UGT2A1: variants seen among roughly 807,000 people sequenced by gnomAD.
UGT2A1 encodes the protein UDP glucuronosyltransferase family 2 member A1 complex locus, also known as UDP-glucuronosyltransferase 2A1.
UGT2A1 carries 61 observed loss-of-function variants against 45.4 expected under a neutral mutation model. The ratio of observed to expected loss-of-function variants is 1.34; its 90% CI spans 1.09 to 1.66. The LOEUF (loss-of-function observed/expected upper bound fraction) is 1.66. Ranked by LOEUF, UGT2A1 falls within the 40% of genes most tolerant of loss-of-function variation. UGT2A1 has a pLI of 0.00. For missense variants in UGT2A1, 649 were observed against 574.3 expected (o/e 1.13, Z -1.33); for synonymous variants, 229 against 196.2 (o/e 1.17, Z -1.40).
rs537515968 is a variant in UGT2A1 at position 69,599,028 on chromosome 4, AC to A, written c.996+217del. ...GTAGACACACTGATATTTGTAACAC[AC>A]AGCTTTAATCATTTTATTCTTCAGT... is the stretch of plus-strand genomic sequence containing the variant. On this transcript the variant is annotated intron_variant, in intron 4 of 6. Transcript: ENST00000286604. 2.6e-5 allele frequency among the ~76,000 whole-genome samples: 4 copies of A among 152,112 alleles called. No individual in the cohort carries two copies. The South Asian group carries it at 6.2e-4, about 24-fold the overall frequency.
At chr4:69,648,666 G>A (rs1423228377) in intron 1 of UGT2A1, among the ~76,000 whole-genome samples, 1 of 151,956 alleles carries the variant, frequency 6.6e-6, no homozygotes, top group Admixed American at 6.6e-5. Flanking sequence ...AATTTGCCAT[G>A]TTCCTACAGC....
chr4:69,649,439 A>C, intron 1 of UGT2A1, among the ~76,000 whole-genome samples: 1 of 151,984 alleles, frequency 6.6e-6, no homozygotes, highest in Non-Finnish European at 1.5e-5. Context: ...CACTGATGTT[A>C]TTTTCTTCTA....
chr4:69,632,612 A>G (rs1433594205), intron 3 of UGT2A1, among the ~76,000 whole-genome samples: 6 of 152,284 alleles, frequency 3.9e-5, no homozygotes, highest in African/African-American at 1.2e-4. Context: ...GTAACTGGCC[A>G]GGCACAATGA....
chr4:69,631,378 A>G (rs1721377656), intron 3 of UGT2A1, among the ~76,000 whole-genome samples: 1 of 152,158 alleles, frequency 6.6e-6, no homozygotes. Flanking sequence ...TGTGAAAATT[A>G]GTAATAATAA....
chr4:69,595,108 TACTTA>T lies in UGT2A1; in HGVS notation c.1084+49_1084+53del, dbSNP rs981908332. 2.5e-6 allele frequency: 4 copies of T among 1,594,812 alleles called. No homozygotes were observed. In the African/African-American group the frequency reaches 4.0e-5, roughly 16 times the overall value. On this transcript the variant is annotated intron_variant, in intron 5 of 6. Coordinates refer to ENST00000286604, the MANE Select transcript of UGT2A1 (RefSeq NM_001252275.3). ...TTGAATTTATTTGCTATTAAACAGT[TACTTA>T]ACTTGTCTATTGTCCCACTGTACAG...
At chr4:69,643,276 G>A (rs1002583684) in intron 2 of UGT2A1, among the ~76,000 whole-genome samples, 6 of 151,592 alleles carry the variant, frequency 4.0e-5, no homozygotes, top group Admixed American at 3.3e-4. Flanking sequence ...GAAGAAAAGC[G>A]TTCAAGAAAA....
intron 4 of UGT2A1, chr4:69,596,183 C>A: frequency 7.2e-7 from 1 of 1,394,682 alleles, no homozygotes; most frequent in Non-Finnish European, 9.4e-7. Flanking sequence ...ATGGAAAGAA[C>A]ATTACTAGCT....
intron 2 of UGT2A1, among the ~76,000 whole-genome samples, chr4:69,643,497 A>T (rs1239285372): frequency 2.0e-5 from 3 of 151,594 alleles, no homozygotes; most frequent in Non-Finnish European, 4.4e-5. Context: ...CTTGCAATGA[A>T]CTGCAACAGT....
At position 69,606,507 on chromosome 4, in the gene UGT2A1, T is replaced by C. The variant is rs1269844122; in HGVS notation, c.848-7113A>G. ...AACTGGAAGTATTCCCTTTGAAAAC[T>C]GGCACAAGACAGGGATGCCCTCTCT... On this transcript the variant is annotated intron_variant, in intron 3 of 6. Coordinates refer to ENST00000286604, the MANE Select transcript of UGT2A1 (RefSeq NM_001252275.3). Among the ~76,000 whole-genome samples, 7 of 136,348 alleles carry C rather than the reference T, an allele frequency of 5.1e-5. 1 individual carries two copies. The highest frequency in any genetic ancestry group is 7.8e-5 in the Non-Finnish European group (5 of 64,242). 89.4% of individuals were successfully genotyped at this position (136,348 alleles called of 152,430 possible).
rs1344167515 is a variant in UGT2A1 at position 69,606,499 on chromosome 4, T to C, written c.848-7105A>G. ...TGGACAAAAACTGGAAGTATTCCCT[T>C]TGAAAACTGGCACAAGACAGGGATG... On this transcript the variant is annotated intron_variant, in intron 3 of 6. Coordinates refer to ENST00000286604, the MANE Select transcript of UGT2A1 (RefSeq NM_001252275.3). Among the ~76,000 whole-genome samples, 9 of 136,406 alleles carry C rather than the reference T, an allele frequency of 6.6e-5. 1 individual carries two copies. The highest frequency in any genetic ancestry group is 1.1e-4 in the Non-Finnish European group (7 of 64,260). The allele number at this position is 136,406 out of a possible 152,430, so 89.5% of individuals were successfully genotyped here.
chr4:69,635,740 T>C lies in UGT2A1; in HGVS notation c.798A>G (p.Arg266=). The change falls in exon 3 of 7, where the codon CGA becomes CGG. Residue 266 remains arginine (R), a synonymous_variant. Coordinates refer to ENST00000286604, the MANE Select transcript of UGT2A1 (RefSeq NM_001252275.3). ...SLQPLLPGFK[R]FSRLSLHCSW... is the part of the protein sequence containing the mutation. ...TACAATGGAGGCTGAGGCGGGAGAA[T>C]CGCTTGAACCCGGGAAGCAGAGGTT... is the stretch of plus-strand genomic sequence containing the variant. The C allele has an allele frequency of 8.4e-6, 2 of 238,520 alleles. No homozygotes were observed. Among genetic ancestry groups the C allele is most frequent in the South Asian group, 7.4e-5 (2 of 27,200 alleles). 14.8% of individuals were successfully genotyped at this position (238,520 alleles called of 1,614,324 possible).
At chr4:69,600,977 A>G (rs1216017543) in intron 3 of UGT2A1, among the ~76,000 whole-genome samples, 3 of 152,124 alleles carry the variant, frequency 2.0e-5, no homozygotes, top group African/African-American at 7.2e-5. Context: ...ACTTGGGCAG[A>G]GACACAGATC....
chr4:69,623,313 C>T (rs1244991290), intron 3 of UGT2A1, among the ~76,000 whole-genome samples: 1 of 151,706 alleles, frequency 6.6e-6, no homozygotes, highest in Non-Finnish European at 1.5e-5. Context: ...ATGTAACACT[C>T]TGTTTTGAGT....
intron 3 of UGT2A1, among the ~76,000 whole-genome samples, chr4:69,630,016 T>C (rs1244636492): frequency 6.6e-6 from 1 of 152,108 alleles, no homozygotes; most frequent in African/African-American, 2.4e-5. Context: ...AAATACCACA[T>C]GAAAAATAAT....
intron 3 of UGT2A1, among the ~76,000 whole-genome samples, chr4:69,604,871 C>A (rs1719511563): frequency 7.3e-6 from 1 of 136,994 alleles, no homozygotes; most frequent in African/African-American, 3.0e-5. Context: ...GAAGAGCTAG[C>A]TGTCCTAAAT....
rs149387920 is a variant in UGT2A1, at chr4:69,640,454, G to A, written c.716-4632C>T. 5.1e-3 allele frequency among the ~76,000 whole-genome samples: 771 copies of A among 152,060 alleles called. 2 individuals carry two copies. The highest frequency in any genetic ancestry group is 0.014 in the South Asian group (68 of 4,810). ...TTAGGAAATCAGTAGGCCAGCTACA[G>A]AATGACTGGCTAGACTTGGATATAG... On this transcript the variant is annotated intron_variant, in intron 2 of 6. Coordinates refer to ENST00000286604, the MANE Select transcript of UGT2A1 (RefSeq NM_001252275.3).
chr4:69,615,703 C>T (rs2109925952), intron 3 of UGT2A1, among the ~76,000 whole-genome samples: 1 of 151,958 alleles, frequency 6.6e-6, no homozygotes, highest in Admixed American at 6.6e-5. Flanking sequence ...ACCACCCTGA[C>T]CCCGCCGCAA....
intron 3 of UGT2A1, among the ~76,000 whole-genome samples, chr4:69,620,727 T>C (rs953276242): frequency 6.8e-6 from 1 of 147,078 alleles, no homozygotes; most frequent in African/African-American, 2.5e-5. Flanking sequence ...CATCACACAA[T>C]CCAACTTTAA....
chr4:69,628,059 T>G (rs1221220003), intron 3 of UGT2A1, among the ~76,000 whole-genome samples: 1 of 151,974 alleles, frequency 6.6e-6, no homozygotes, highest in Non-Finnish European at 1.5e-5. Context: ...TTTGGTGTTA[T>G]ATCCAAGAAA....
Sources: allele counts gnomAD v4.1 joint callset (sites outside exome capture counted in the v4.1 genomes callset), GRCh38; gene constraint gnomAD v4.1.1; transcripts MANE v1.5; gene names NCBI Gene and HGNC (gene_info 2026-07-23, HGNC 2026-07-21).